Variants in OR56A3 observed in about 807,000 individuals in gnomAD.
The protein encoded by OR56A3 is olfactory receptor 56A3.
A neutral mutation model predicts 17.5 loss-of-function variants in OR56A3; 23 were observed. That is an observed-to-expected ratio of 1.32 (90% CI 0.95 to 1.87). The LOEUF is 1.87. OR56A3 is among the 40% of genes most tolerant of loss of function. The probability of loss-of-function intolerance (pLI) is 0.00; values close to 1 mark genes in which losing one functional copy is unlikely to be tolerated. For synonymous variants in OR56A3, 175 were observed against 150.6 expected, an observed-to-expected ratio of 1.16 and a Z score of -1.19; for missense variants, 366 against 380.1, an observed-to-expected ratio of 0.96 and a Z score of 0.31.
chr11:6,002,009 A>T, the OR56A3 span: 1 of 1,483,160 alleles, frequency 6.7e-7, no homozygotes, highest in African/African-American at 1.4e-5. Context: ...AATTTTCACT[A>T]ACAATTAACA....
the OR56A3 span, among the ~76,000 whole-genome samples, chr11:5,962,043 T>C: frequency 1.3e-5 from 2 of 152,234 alleles, no homozygotes; most frequent in Non-Finnish European, 2.9e-5. Flanking sequence ...TATGTAACCT[T>C]TATTATGTTG....
chr11:5,971,595 G>A, the OR56A3 span, among the ~76,000 whole-genome samples: 4 of 152,118 alleles, frequency 2.6e-5, no homozygotes, highest in Non-Finnish European at 5.9e-5. Context: ...ACGAGGAATG[G>A]GAGTAGAGAA....
At chr11:5,974,383 G>A in the OR56A3 span, among the ~76,000 whole-genome samples, 4 of 152,088 alleles carry the variant, frequency 2.6e-5, no homozygotes, top group Admixed American at 2.6e-4. Context: ...AGGATTACAG[G>A]CATGAGCCAC....
At chr11:5,995,065 G>T in the OR56A3 span, 1 of 615,084 alleles carries the variant, frequency 1.6e-6, no homozygotes, top group Non-Finnish European at 2.9e-6. Context: ...GACGCTGGCC[G>T]CACTGCTGAC....
the OR56A3 span, among the ~76,000 whole-genome samples, chr11:5,988,326 A>T: frequency 2.0e-5 from 3 of 152,272 alleles, no homozygotes; most frequent in East Asian, 5.8e-4. Flanking sequence ...TTTTTAAAGA[A>T]ACATATCTTA....
the OR56A3 span, chr11:6,001,977 T>C: frequency 7.0e-7 from 1 of 1,429,920 alleles, no homozygotes; most frequent in Admixed American, 2.5e-5. Flanking sequence ...CTTTCCAACA[T>C]AAAATTAATT....
chr11:5,993,419 C>T, the OR56A3 span, among the ~76,000 whole-genome samples: 2 of 152,312 alleles, frequency 1.3e-5, no homozygotes, highest in African/African-American at 4.8e-5. Flanking sequence ...TTCTTTAACA[C>T]TCTGAGGAAG....
the OR56A3 span, among the ~76,000 whole-genome samples, chr11:6,003,484 G>A: frequency 2.2e-4 from 34 of 152,274 alleles, no homozygotes; most frequent in African/African-American, 8.2e-4. Context: ...GCTTATCCCA[G>A]CAGCTTTGGG....
At chr11:6,002,441 G>A in the OR56A3 span, 1 of 1,614,230 alleles carries the variant, frequency 6.2e-7, no homozygotes, top group African/African-American at 1.3e-5. Context: ...ACACAGACAG[G>A]TTACTGCAGA....
chr11:6,004,273 A>G, the OR56A3 span, among the ~76,000 whole-genome samples: 95,843 of 151,950 alleles, frequency 0.63, 30,899 homozygotes, highest in South Asian at 0.78. Context: ...TGCTTGAACC[A>G]GACCTGGGGG....
chr11:5,945,569 A>G (rs1176218722), intron 2 of OR56A3, among the ~76,000 whole-genome samples: 1 of 126,016 alleles, frequency 7.9e-6, no homozygotes, highest in African/African-American at 3.0e-5. Flanking sequence ...CAACAGAGCT[A>G]GACCCCATAT....
the OR56A3 span, among the ~76,000 whole-genome samples, chr11:5,973,199 T>A: frequency 6.6e-6 from 1 of 152,196 alleles, no homozygotes; most frequent in African/African-American, 2.4e-5. Context: ...ATGTCCAGAA[T>A]GAGATTAGTC....
the OR56A3 span, among the ~76,000 whole-genome samples, chr11:5,960,817 C>T: frequency 1.3e-5 from 2 of 151,248 alleles, no homozygotes; most frequent in Non-Finnish European, 2.9e-5. Flanking sequence ...AAGTGAGGAG[C>T]GTCTCTGCCC....
chr11:5,993,927 C>T, the OR56A3 span: 1 of 475,272 alleles, frequency 2.1e-6, no homozygotes, highest in South Asian at 1.6e-5. Context: ...TTGCTGTCCA[C>T]TCTGTGGCGG....
At chr11:5,987,343 T>A in the OR56A3 span, among the ~76,000 whole-genome samples, 1 of 152,130 alleles carries the variant, frequency 6.6e-6, no homozygotes, top group African/African-American at 2.4e-5. Flanking sequence ...GTCCCACCAT[T>A]TTCTCTATCT....
Position 5,944,101 on chromosome 11 carries a change from G to A in OR56A3, c.-313-705G>A, listed in dbSNP as rs546920651. Among the ~76,000 whole-genome samples, 5 of 152,292 alleles carry A rather than the reference G, an allele frequency of 3.3e-5. No homozygotes were observed. In the South Asian group the frequency reaches 1.0e-3, roughly 32 times the overall value. The stretch of plus-strand genomic sequence containing the variant: ...GTTAGTCACCAACTGGAGGCTGGAA[G>A]TTTTGTTCTAGGGGTTATTATCTTG... On this transcript the variant is annotated intron_variant, in intron 1 of 2. Coordinates refer to ENST00000641160, the MANE Select transcript of OR56A3 (RefSeq NM_001003443.3).
chr11:5,969,843 T>C, the OR56A3 span, among the ~76,000 whole-genome samples: 5 of 152,170 alleles, frequency 3.3e-5, no homozygotes, highest in African/African-American at 2.4e-5. Flanking sequence ...AATTGAGAAG[T>C]GATCACTGTG....
At chr11:5,998,021 G>A in the OR56A3 span, among the ~76,000 whole-genome samples, 3 of 152,096 alleles carry the variant, frequency 2.0e-5, no homozygotes, top group African/African-American at 7.2e-5. Flanking sequence ...AAGCCTCTCG[G>A]TACCAGCAAT....
the OR56A3 span, among the ~76,000 whole-genome samples, chr11:5,995,957 A>G: frequency 2.0e-5 from 3 of 152,276 alleles, no homozygotes; most frequent in Admixed American, 6.5e-5. Context: ...AAACTTTTTC[A>G]TATTCTTCAT....
Sources: allele counts gnomAD v4.1 joint callset (sites outside exome capture counted in the v4.1 genomes callset), GRCh38; gene constraint gnomAD v4.1.1; transcripts MANE v1.5; gene names NCBI Gene and HGNC (gene_info 2026-07-23, HGNC 2026-07-21).